Variants in ACACA observed in about 807,000 individuals in gnomAD.
ACACA encodes acetyl-CoA carboxylase 1.
Under a neutral mutation model 296.1 loss-of-function variants are expected in ACACA, and 103 were observed. The ratio of observed to expected loss-of-function variants is 0.35; its 90% CI spans 0.30 to 0.41. The LOEUF is 0.41. ACACA is among the 10% of genes least tolerant of loss of function. The pLI is 1.00. For missense variants in ACACA, 1,554 were observed against 2,989.7 expected, an observed-to-expected ratio of 0.52 and a Z score of 11.20; for synonymous variants, 953 against 1,038.6, an observed-to-expected ratio of 0.92 and a Z score of 1.58.
At chr17:37,381,176 T>TTTGTTG (rs570921905) in intron 1 of ACACA, among the ~76,000 whole-genome samples, 3 of 151,882 alleles carry the variant, frequency 2.0e-5, no homozygotes, top group African/African-American at 4.8e-5. Context: ...TTATTGTTAT[T>TTTGTTG]TTGTTGTTGT....
intron 1 of ACACA, among the ~76,000 whole-genome samples, chr17:37,349,088 T>G (rs1410524422): frequency 6.6e-6 from 1 of 151,068 alleles, no homozygotes; most frequent in Non-Finnish European, 1.5e-5. Context: ...TGAGATGGAG[T>G]CTCGCTCTGT....
At chr17:37,218,551 G>A (rs765183536) in intron 29 of ACACA, among the ~76,000 whole-genome samples, 3 of 152,178 alleles carry the variant, frequency 2.0e-5, no homozygotes, top group Non-Finnish European at 2.9e-5. Flanking sequence ...GTTCATCAGA[G>A]TTCAGAGGAG....
intron 10 of ACACA, among the ~76,000 whole-genome samples, chr17:37,267,071 C>T (rs1193308546): frequency 1.3e-5 from 2 of 152,184 alleles, no homozygotes; most frequent in East Asian, 1.9e-4. Context: ...AACATCATAC[C>T]GTTAGGTATC....
chr17:37,265,641 T>C (rs1279605188), intron 10 of ACACA, among the ~76,000 whole-genome samples: 2 of 152,164 alleles, frequency 1.3e-5, no homozygotes, highest in African/African-American at 2.4e-5. Flanking sequence ...CATTGGTCCA[T>C]AGCAATTCTG....
chr17:37,112,296 T>TA (rs1313010385), intron 51 of ACACA, among the ~76,000 whole-genome samples: 2 of 152,166 alleles, frequency 1.3e-5, no homozygotes, highest in South Asian at 4.1e-4. Context: ...CTTTCTAGTT[T>TA]AAAAAAATTA....
chr17:37,359,124 A>T (rs1012272054), intron 1 of ACACA: 16 of 985,422 alleles, frequency 1.6e-5, no homozygotes, highest in Non-Finnish European at 1.9e-5. Context: ...CCGGCCCGGC[A>T]CACGGAGAAG....
At chr17:37,277,183 T>C in intron 6 of ACACA, 69 bp from the exon 7 acceptor site, 1 of 1,397,252 alleles carries the variant, frequency 7.2e-7, no homozygotes, top group South Asian at 1.2e-5. Flanking sequence ...CAAGAGTCTC[T>C]ATCCAGGCTG....
At chr17:37,290,280 C>T (rs1388186187) in intron 3 of ACACA, among the ~76,000 whole-genome samples, 1 of 152,208 alleles carries the variant, frequency 6.6e-6, no homozygotes, top group African/African-American at 2.4e-5. Context: ...ACTTCCTGGT[C>T]TCAAGTGATC....
At chr17:37,152,159 C>G (rs1195891081) in intron 43 of ACACA, among the ~76,000 whole-genome samples, 1 of 152,142 alleles carries the variant, frequency 6.6e-6, no homozygotes, top group African/African-American at 2.4e-5. Context: ...ATAATAATAA[C>G]TTCTACAAAA....
rs976505780 is a variant in ACACA at position 37,253,156 on chromosome 17, C to T, written c.1827-120G>A. The T allele has an allele frequency of 7.1e-6, 10 of 1,405,112 alleles. No individual in the cohort carries two copies. In the South Asian group the frequency reaches 1.2e-4, roughly 16 times the overall value. The allele number at this position is 1,405,112 out of a possible 1,614,324, so 87.0% of individuals were successfully genotyped here. A position where few individuals can be genotyped will look rare whatever the true frequency, so the allele number is the denominator to read the frequency against. ...CCTGTAATCCTAACACTTTGGGAGG[C>T]CAAGACAAGGCGGATCACGAAGTCA... is the stretch of plus-strand genomic sequence containing the variant. On this transcript the variant is annotated intron_variant, in intron 14 of 55. Transcript: ENST00000616317.
chr17:37,130,577 TA>T (rs968179887), intron 45 of ACACA, among the ~76,000 whole-genome samples: 2 of 151,136 alleles, frequency 1.3e-5, no homozygotes, highest in African/African-American at 2.4e-5. Context: ...ATAATAAAAA[TA>T]AAATAAAAAA....
chr17:37,365,514 T>G, intron 1 of ACACA: 5 of 985,428 alleles, frequency 5.1e-6, no homozygotes, highest in Non-Finnish European at 6.0e-6. Context: ...AAGCCTCCAG[T>G]GGGATATATA....
chr17:37,376,814 G>A (rs906336794), intron 1 of ACACA, among the ~76,000 whole-genome samples: 10 of 152,052 alleles, frequency 6.6e-5, no homozygotes, highest in Admixed American at 5.9e-4. Context: ...AATTAGCCAG[G>A]CATGGTGGCA....
chr17:37,361,453 T>G (rs1305004515), intron 1 of ACACA, among the ~76,000 whole-genome samples: 1 of 152,142 alleles, frequency 6.6e-6, no homozygotes, highest in Non-Finnish European at 1.5e-5. Flanking sequence ...ATGTCCTGCT[T>G]TTGACTTCAC....
chr17:37,105,938 T>C (rs1567666100), intron 52 of ACACA, among the ~76,000 whole-genome samples: 1 of 151,516 alleles, frequency 6.6e-6, no homozygotes, highest in Admixed American at 6.6e-5. Context: ...ATGCTAGAGA[T>C]AAGAACAAGA....
At chr17:37,092,924 AT>A (rs111511738) in intron 54 of ACACA, among the ~76,000 whole-genome samples, 2 of 151,768 alleles carry the variant, frequency 1.3e-5, no homozygotes, top group Admixed American at 6.6e-5. Context: ...AAAGGATGTG[AT>A]TTTTTTTTCC....
intron 3 of ACACA, among the ~76,000 whole-genome samples, chr17:37,291,836 G>T (rs1462720710): frequency 6.6e-6 from 1 of 152,088 alleles, no homozygotes; most frequent in Non-Finnish European, 1.5e-5. Flanking sequence ...CTAAATAAAT[G>T]TAGTCTTATA....
At chr17:37,309,656 A>G (rs1467543723) in intron 3 of ACACA, among the ~76,000 whole-genome samples, 1 of 152,100 alleles carries the variant, frequency 6.6e-6, no homozygotes, top group Non-Finnish European at 1.5e-5. Context: ...TTGGACTACT[A>G]TCTTTTCAGG....
At chr17:37,280,194 T>C (rs1817970052) in intron 5 of ACACA, among the ~76,000 whole-genome samples, 1 of 152,060 alleles carries the variant, frequency 6.6e-6, no homozygotes, top group South Asian at 2.1e-4. Flanking sequence ...TTGTTTTGGT[T>C]TAGATTTCTT....
Sources: gnomAD v4.1 joint callset for allele counts (sites outside exome capture counted in the v4.1 genomes callset) on GRCh38, gnomAD v4.1.1 for gene constraint, MANE v1.5 for transcripts, NCBI Gene and HGNC (gene_info 2026-07-23, HGNC 2026-07-21) for gene names.